The following ITGB1 variants were observed in gnomAD, a reference collection of about 807,000 sequenced individuals.
ITGB1 encodes integrin beta-1.
A neutral mutation model predicts 86.5 loss-of-function variants in ITGB1; 24 were observed. The ratio of observed to expected loss-of-function variants is 0.28; its 90% CI spans 0.20 to 0.39. The LOEUF is 0.39. Ranked by LOEUF, ITGB1 falls within the 10% of genes least tolerant of loss-of-function variation. The probability of loss-of-function intolerance (pLI) is 1.00; values close to 1 mark genes in which losing one functional copy is unlikely to be tolerated. For missense variants in ITGB1, 556 were observed against 946.9 expected (o/e 0.59, Z 5.42); for synonymous variants, 323 against 316.8 (o/e 1.02, Z -0.21).
intron 5 of ITGB1, among the ~76,000 whole-genome samples, chr10:32,926,649 C>T (rs1419762677): frequency 2.0e-5 from 3 of 152,188 alleles, no homozygotes; most frequent in African/African-American, 4.8e-5. Context: ...CTGATGCTAG[C>T]GCCATGCTTC....
rs745435441 is a variant in ITGB1 at position 32,901,596 on chromosome 10, C to T, written c.2371G>A (p.Val791Ile). 3 of 1,604,360 alleles carry T rather than the reference C, an allele frequency of 1.9e-6. No individual in the cohort carries two copies. Among genetic ancestry groups the T allele is most frequent in the East Asian group, 2.2e-5 (1 of 44,756 alleles). The change falls in exon 16 of 16, where the codon GTC becomes ATC. Residue 791 changes from valine (V) to isoleucine (I), a missense_variant. Physicochemically the swap from Val to Ile is conservative, Grantham distance 29. This residue lies in a region of ITGB1 where 18 missense variants were observed against 75.2 expected (regional missense o/e 0.24). Coordinates refer to ENST00000302278, the MANE Select transcript of ITGB1 (RefSeq NM_002211.4). ...PIYKSAVTTV[V>I]NPKYEGK ...CATTTTCCCTCATACTTCGGATTGA[C>T]CACAGTTGTTACGGCACTCTTATAA...
chr10:32,942,524 A>G (rs1453454342), intron 1 of ITGB1, among the ~76,000 whole-genome samples: 2 of 152,176 alleles, frequency 1.3e-5, no homozygotes, highest in Non-Finnish European at 2.9e-5. Flanking sequence ...TATCTTATTT[A>G]TAGCTATTGC....
At chr10:32,903,679 A>G (rs1185240160) in intron 15 of ITGB1, among the ~76,000 whole-genome samples, 1 of 152,158 alleles carries the variant, frequency 6.6e-6, no homozygotes, top group Non-Finnish European at 1.5e-5. Context: ...GATCCCTCAG[A>G]GACAAACAGC....
intron 3 of ITGB1, among the ~76,000 whole-genome samples, chr10:32,930,776 C>A (rs1388317198): frequency 6.6e-6 from 1 of 151,848 alleles, no homozygotes; most frequent in Non-Finnish European, 1.5e-5. Flanking sequence ...TGGATATTTG[C>A]AGTAGTAAAA....
chr10:32,925,525 A>C (rs2094961875), intron 6 of ITGB1, among the ~76,000 whole-genome samples: 1 of 152,216 alleles, frequency 6.6e-6, no homozygotes, highest in Non-Finnish European at 1.5e-5. Flanking sequence ...CATCAATTCT[A>C]TCTCTAGTAC....
intron 1 of ITGB1, among the ~76,000 whole-genome samples, chr10:32,951,209 T>A (rs1365139382): frequency 1.3e-5 from 2 of 151,718 alleles, no homozygotes; most frequent in Non-Finnish European, 2.9e-5. Flanking sequence ...TTGACAGTGA[T>A]CAAAGAGCAA....
intron 1 of ITGB1, among the ~76,000 whole-genome samples, chr10:32,954,822 C>T (rs1010586936): frequency 6.6e-6 from 1 of 152,168 alleles, no homozygotes; most frequent in Non-Finnish European, 1.5e-5. Context: ...GATATGCACA[C>T]GCTTAAGCAT....
intron 13 of ITGB1, 36 bp from the exon 14 acceptor site, chr10:32,910,491 T>G: frequency 7.3e-7 from 1 of 1,377,282 alleles, no homozygotes; most frequent in South Asian, 1.3e-5. Context: ...TATTTACATT[T>G]TATTATTTCA....
intron 1 of ITGB1, among the ~76,000 whole-genome samples, chr10:32,949,035 G>C (rs2095037697): frequency 6.7e-6 from 1 of 148,884 alleles, no homozygotes; most frequent in African/African-American, 2.5e-5. Flanking sequence ...AAGAAGAAGA[G>C]TATAATACAC....
At chr10:32,912,209 T>A in intron 11 of ITGB1, 85 bp from the exon 12 acceptor site, 2 of 1,031,118 alleles carry the variant, frequency 1.9e-6, no homozygotes, top group Non-Finnish European at 1.5e-6. Flanking sequence ...ACAGCTCTAG[T>A]CTACAGCTCC....
intron 15 of ITGB1, among the ~76,000 whole-genome samples, chr10:32,905,547 A>G (rs2094893719): frequency 6.6e-6 from 1 of 152,240 alleles, no homozygotes; most frequent in African/African-American, 2.4e-5. Flanking sequence ...CTGAAGATAC[A>G]TAACTGCTAC....
chr10:32,910,490 TTTA>T (rs965493360), intron 13 of ITGB1, 35 bp from the exon 14 acceptor site: 2 of 1,386,772 alleles, frequency 1.4e-6, no homozygotes, highest in African/African-American at 2.9e-5. Flanking sequence ...ATATTTACAT[TTTA>T]TTATTTCAGT....
chr10:32,932,837 T>A, intron 2 of ITGB1: 1 of 362,454 alleles, frequency 2.8e-6, no homozygotes, highest in Non-Finnish European at 5.1e-6. Flanking sequence ...GATACAGGCA[T>A]ACAATGCATA....
At position 32,944,809 on chromosome 10, in the gene ITGB1, C is replaced by T. The variant is rs957774723; in HGVS notation, c.1-9251G>A. The stretch of plus-strand genomic sequence containing the variant: ...GTGGCTGAGTCTACAACATTGAATT[C>T]AACCCTCCCAAAACTGTGGGCACTG... On this transcript the variant is annotated intron_variant, in intron 1 of 15. Transcript: ENST00000302278. 3.3e-5 allele frequency: 29 copies of T among 883,644 alleles called. No homozygotes were observed. The Admixed American group carries it at 5.1e-4, about 15-fold the overall frequency. 54.7% of individuals were successfully genotyped at this position (883,644 alleles called of 1,614,324 possible).
intron 1 of ITGB1, among the ~76,000 whole-genome samples, chr10:32,952,600 A>G (rs2095044743): frequency 1.3e-5 from 2 of 152,232 alleles, no homozygotes; most frequent in Admixed American, 1.3e-4. Context: ...TAAGTTATTT[A>G]CATATTCATT....
intron 3 of ITGB1, among the ~76,000 whole-genome samples, chr10:32,932,300 T>G (rs867469064): frequency 4.6e-5 from 7 of 152,224 alleles, no homozygotes; most frequent in Admixed American, 2.6e-4. Context: ...AAATCTTGTA[T>G]ATCTTTGAAA....
intron 2 of ITGB1, among the ~76,000 whole-genome samples, chr10:32,934,909 T>A (rs1287289555): frequency 2.0e-5 from 3 of 152,204 alleles, no homozygotes; most frequent in African/African-American, 7.2e-5. Flanking sequence ...TTGTAGTAAG[T>A]CCTTCCAATC....
intron 3 of ITGB1, 48 bp downstream of exon 3, chr10:32,932,467 C>T (rs1476275001): frequency 9.6e-7 from 1 of 1,044,228 alleles, no homozygotes; most frequent in Admixed American, 1.7e-5. Flanking sequence ...CTGAGCCACA[C>T]TAAATGACCA....
chr10:32,946,187 T>A (rs2095030939), intron 1 of ITGB1, among the ~76,000 whole-genome samples: 1 of 152,112 alleles, frequency 6.6e-6, no homozygotes, highest in African/African-American at 2.4e-5. Context: ...ATACCCCTCC[T>A]CCCAAAAATA....
Sources: allele counts gnomAD v4.1 joint callset (sites outside exome capture counted in the v4.1 genomes callset), GRCh38; gene constraint gnomAD v4.1.1; regional missense constraint gnomAD v4.1.1; transcripts MANE v1.5; gene names NCBI Gene and HGNC (gene_info 2026-07-23, HGNC 2026-07-21).